Variants in MEIKIN observed in about 807,000 individuals in gnomAD.
MEIKIN encodes the protein meiosis-specific kinetochore protein.
intron 11 of MEIKIN, among the ~76,000 whole-genome samples, chr5:131,821,442 T>C (rs976398592): frequency 2.6e-5 from 4 of 152,160 alleles, no homozygotes; most frequent in African/African-American, 9.7e-5. Flanking sequence ...GAATGATTCA[T>C]GCGTTGAGGA....
At chr5:131,889,237 G>A (rs967139577) in intron 8 of MEIKIN, among the ~76,000 whole-genome samples, 11 of 152,122 alleles carry the variant, frequency 7.2e-5, no homozygotes, top group African/African-American at 2.2e-4. Context: ...GTTTTTTCCA[G>A]TTCTGTGAAG....
intron 8 of MEIKIN, among the ~76,000 whole-genome samples, chr5:131,883,649 A>T (rs865806821): frequency 6.6e-6 from 1 of 152,250 alleles, no homozygotes; most frequent in Non-Finnish European, 1.5e-5. Context: ...CCCTGCAAGG[A>T]CACCAATTTA....
chr5:131,866,658 G>C (rs1008575887), intron 9 of MEIKIN, among the ~76,000 whole-genome samples: 6 of 152,222 alleles, frequency 3.9e-5, no homozygotes, highest in Non-Finnish European at 7.3e-5. Flanking sequence ...TGAGGGAATA[G>C]GATTGCTGTC....
At chr5:131,860,280 G>GT (rs79369868) in intron 9 of MEIKIN, among the ~76,000 whole-genome samples, 4,895 of 100,484 alleles carry the variant, frequency 0.049, 165 homozygotes, top group African/African-American at 0.087. Flanking sequence ...TTTATGCCTA[G>GT]TTTTTTTTTT....
At chr5:131,868,905 A>G (rs1750436235) in intron 9 of MEIKIN, among the ~76,000 whole-genome samples, 1 of 152,188 alleles carries the variant, frequency 6.6e-6, no homozygotes, top group Non-Finnish European at 1.5e-5. Flanking sequence ...TCTTTTGCAA[A>G]TATTGTCTCC....
intron 5 of MEIKIN, 60 bp downstream of exon 5, chr5:131,933,453 T>C (rs986676545): frequency 3.0e-5 from 12 of 393,738 alleles, no homozygotes; most frequent in Admixed American, 8.9e-5. Flanking sequence ...ATTGGAGGAT[T>C]TGTGGACAAA....
intron 11 of MEIKIN, among the ~76,000 whole-genome samples, chr5:131,826,342 T>C: frequency 6.6e-6 from 1 of 152,100 alleles, no homozygotes; most frequent in African/African-American, 2.4e-5. Flanking sequence ...GTCTAAATAA[T>C]AGCAATAATG....
chr5:131,807,617 CA>C (rs1772870006), intron 12 of MEIKIN, among the ~76,000 whole-genome samples: 1 of 152,182 alleles, frequency 6.6e-6, no homozygotes, highest in Non-Finnish European at 1.5e-5. Flanking sequence ...TGTCCTCAGC[CA>C]CCACCCAGGA....
intron 11 of MEIKIN, 80 bp downstream of exon 11, chr5:131,851,184 T>A: frequency 2.5e-6 from 1 of 393,590 alleles, no homozygotes; most frequent in East Asian, 3.6e-5. Context: ...AGAGATTTCT[T>A]ATAGCACCTC....
At chr5:131,943,951 A>G (rs565153299) in intron 3 of MEIKIN, among the ~76,000 whole-genome samples, 1 of 151,974 alleles carries the variant, frequency 6.6e-6, no homozygotes, top group Non-Finnish European at 1.5e-5. Context: ...AACCCCCTCT[A>G]TACAAAAATT....
chr5:131,901,679 C>A (rs890207344), intron 8 of MEIKIN, among the ~76,000 whole-genome samples: 2 of 152,156 alleles, frequency 1.3e-5, no homozygotes, highest in Admixed American at 1.3e-4. Flanking sequence ...AAGCCAGGGG[C>A]CTGATACCAG....
chr5:131,859,263 C>T lies in MEIKIN; in HGVS notation c.775-4429G>A, dbSNP rs56012778. On this transcript the variant is annotated intron_variant, in intron 9 of 12. Transcript: ENST00000442687. ...TCAGGTGTAAGGAAGGAGTCCAGTT[C>T]CAGTATGCTTAAGTCTTTAATCCAT... 6.3e-3 allele frequency among the ~76,000 whole-genome samples: 963 copies of T among 152,190 alleles called. 9 individuals carry two copies. The highest frequency in any genetic ancestry group is 0.022 in the African/African-American group (902 of 41,502).
intron 3 of MEIKIN, among the ~76,000 whole-genome samples, chr5:131,943,573 T>C (rs1751910203): frequency 6.6e-6 from 1 of 152,208 alleles, no homozygotes; most frequent in South Asian, 2.1e-4. Context: ...AAGTCATATT[T>C]TTGAAGACTA....
intron 9 of MEIKIN, among the ~76,000 whole-genome samples, chr5:131,868,387 CATT>C (rs1483367747): frequency 2.6e-5 from 4 of 152,204 alleles, no homozygotes; most frequent in South Asian, 2.1e-4. Flanking sequence ...CCCAGCCACT[CATT>C]GTTGTTTTAA....
chr5:131,843,219 T>G (rs1749949470), intron 11 of MEIKIN, among the ~76,000 whole-genome samples: 1 of 152,256 alleles, frequency 6.6e-6, no homozygotes, highest in East Asian at 1.9e-4. Context: ...TCCAGGCCTG[T>G]GATGGGAGGG....
At chr5:131,934,531 A>T (rs1751742671) in intron 4 of MEIKIN, among the ~76,000 whole-genome samples, 1 of 152,186 alleles carries the variant, frequency 6.6e-6, no homozygotes, top group Non-Finnish European at 1.5e-5. Context: ...AACAAAATAA[A>T]AAAACTTGCA....
At chr5:131,828,805 A>T (rs977442015) in intron 11 of MEIKIN, among the ~76,000 whole-genome samples, 1 of 152,210 alleles carries the variant, frequency 6.6e-6, no homozygotes, top group South Asian at 2.1e-4. Context: ...GTGAAAAACA[A>T]ATATATGTTA....
intron 9 of MEIKIN, among the ~76,000 whole-genome samples, chr5:131,873,653 T>A (rs970339568): frequency 6.6e-6 from 1 of 152,166 alleles, no homozygotes; most frequent in African/African-American, 2.4e-5. Context: ...GCGGACCTAA[T>A]AGACATCTAC....
intron 12 of MEIKIN, among the ~76,000 whole-genome samples, chr5:131,811,615 CT>C (rs11343792): frequency 0.99 from 147,534 of 149,004 alleles, 73,043 homozygotes; most frequent in Middle Eastern, 1. Context: ...CCAACTTCTT[CT>C]TTTTTTTTTT....
Sources: allele counts gnomAD v4.1 joint callset (sites outside exome capture counted in the v4.1 genomes callset), GRCh38; gene constraint gnomAD v4.1.1; transcripts MANE v1.5; gene names NCBI Gene and HGNC (gene_info 2026-07-23, HGNC 2026-07-21).